Variants in ZNF423 observed in about 807,000 individuals in gnomAD.
ZNF423 encodes the protein zinc finger protein 423.
Under a neutral mutation model 95.8 loss-of-function variants are expected in ZNF423, and 12 were observed. The observed-to-expected ratio is 0.13, with a 90% CI of 0.08 to 0.20. The LOEUF (loss-of-function observed/expected upper bound fraction) is 0.20. ZNF423 is among the 10% of genes least tolerant of loss of function. ZNF423 has a pLI of 1.00. For missense variants in ZNF423, 1,316 were observed against 1,737.1 expected, an observed-to-expected ratio of 0.76 and a Z score of 4.31; for synonymous variants, 749 against 711.9, an observed-to-expected ratio of 1.05 and a Z score of -0.83.
At chr16:49,813,720 T>A (rs1447122401) in intron 1 of ZNF423, among the ~76,000 whole-genome samples, 1 of 152,212 alleles carries the variant, frequency 6.6e-6, no homozygotes, top group Non-Finnish European at 1.5e-5. Context: ...TCTTTTGGCT[T>A]AAGTTGTCCA....
intron 1 of ZNF423, among the ~76,000 whole-genome samples, chr16:49,803,430 C>A (rs763460713): frequency 1.9e-4 from 29 of 152,104 alleles, no homozygotes; most frequent in Non-Finnish European, 3.7e-4. Context: ...TGGTCACAAG[C>A]CTGTTCGATA....
chr16:49,614,624 T>C (rs1359375062), intron 5 of ZNF423, among the ~76,000 whole-genome samples: 1 of 152,222 alleles, frequency 6.6e-6, no homozygotes, highest in Non-Finnish European at 1.5e-5. Context: ...TGGAAATGTT[T>C]TGTAGCTTGA....
chr16:49,842,309 G>GAGGGGAGGGGAGGGA (rs1555489897), intron 1 of ZNF423, among the ~76,000 whole-genome samples: 7 of 20,406 alleles, frequency 3.4e-4, no homozygotes, highest in East Asian at 1.4e-3. Flanking sequence ...GAGGGGAGGC[G>GAGGGGAGGGGAGGGA]AGGGAAGGGA....
chr16:49,651,237 G>T (rs1468129748), intron 3 of ZNF423, among the ~76,000 whole-genome samples: 1 of 150,520 alleles, frequency 6.6e-6, no homozygotes, highest in Admixed American at 6.6e-5. Flanking sequence ...TGTTGCACAG[G>T]CTGGTCTCAA....
intron 1 of ZNF423, among the ~76,000 whole-genome samples, chr16:49,798,709 T>C (rs747898049): frequency 2.0e-5 from 3 of 152,212 alleles, no homozygotes; most frequent in African/African-American, 4.8e-5. Context: ...ACGTCGGCGC[T>C]TGTATAACAG....
At chr16:49,666,126 C>G (rs1337378773) in intron 3 of ZNF423, among the ~76,000 whole-genome samples, 1 of 152,192 alleles carries the variant, frequency 6.6e-6, no homozygotes, top group Non-Finnish European at 1.5e-5. Context: ...TGCGGCCCCC[C>G]AGATCCTGGC....
intron 7 of ZNF423, among the ~76,000 whole-genome samples, chr16:49,498,260 G>A (rs530865071): frequency 2.4e-4 from 36 of 152,332 alleles, no homozygotes; most frequent in Admixed American, 7.2e-4. Flanking sequence ...AAACTGAGGC[G>A]CAGAGAGGCC....
upstream of ZNF423, among the ~76,000 whole-genome samples, chr16:49,858,723 C>CT (rs913320926): frequency 7.3e-6 from 1 of 137,136 alleles, no homozygotes; most frequent in African/African-American, 2.7e-5. The surrounding 1 kb of genome is among the most constrained non-coding windows in gnomAD (Gnocchi z 4.3). Flanking sequence ...AGGAGCCCCC[C>CT]CCCCCACGCC....
At chr16:49,621,293 C>G (rs534785686) in intron 5 of ZNF423, among the ~76,000 whole-genome samples, 1 of 152,264 alleles carries the variant, frequency 6.6e-6, no homozygotes, top group African/African-American at 2.4e-5. Context: ...CCTCATTCTC[C>G]ATGCGGAGGG....
rs908614631 is a variant in ZNF423 at position 49,764,896 on chromosome 16, C to T, written c.100+24591G>A. ...CCCAGTAGCTGGGATTACAGGTGTG[C>T]GCCACCACGCCCAGCTAATTTTTTT... On this transcript the variant is annotated intron_variant, in intron 2 of 7. Transcript: ENST00000563137. 5.9e-5 allele frequency among the ~76,000 whole-genome samples: 9 copies of T among 151,410 alleles called. No homozygotes were observed. In the South Asian group the frequency reaches 6.3e-4, roughly 11 times the overall value.
chr16:49,718,430 C>T (rs779888160), intron 3 of ZNF423, among the ~76,000 whole-genome samples: 5 of 152,200 alleles, frequency 3.3e-5, no homozygotes, highest in East Asian at 1.9e-4. Context: ...TGTGAATGAA[C>T]GCACACGTGC....
At chr16:49,507,081 C>T (rs1240010244) in intron 7 of ZNF423, among the ~76,000 whole-genome samples, 1 of 152,140 alleles carries the variant, frequency 6.6e-6, no homozygotes, top group Non-Finnish European at 1.5e-5. Flanking sequence ...GTCTTTCTGA[C>T]CCTAGCCAAG....
chr16:49,712,865 A>G (rs2032588598), intron 3 of ZNF423, among the ~76,000 whole-genome samples: 1 of 152,224 alleles, frequency 6.6e-6, no homozygotes, highest in Admixed American at 6.5e-5. Flanking sequence ...CTCCACTGCC[A>G]TTGTCCCTAT....
At chr16:49,519,588 A>G (rs1374676561) in intron 7 of ZNF423, among the ~76,000 whole-genome samples, 1 of 152,204 alleles carries the variant, frequency 6.6e-6, no homozygotes, top group African/African-American at 2.4e-5. Context: ...GTCCCGTCTC[A>G]TTATGGAGTT....
chr16:49,620,623 A>G (rs1323561015), intron 5 of ZNF423, among the ~76,000 whole-genome samples: 1 of 152,112 alleles, frequency 6.6e-6, no homozygotes. Context: ...TTCCCTGAGG[A>G]CCATCCCTTC....
chr16:49,551,309 G>A (rs989588750), intron 5 of ZNF423, among the ~76,000 whole-genome samples: 2 of 152,192 alleles, frequency 1.3e-5, no homozygotes, highest in African/African-American at 4.8e-5. Context: ...AGTTTCAAAA[G>A]CCTCCATTGG....
chr16:49,825,192 C>A (rs1044406019), intron 1 of ZNF423, among the ~76,000 whole-genome samples: 11 of 152,226 alleles, frequency 7.2e-5, no homozygotes, highest in Middle Eastern at 3.4e-3. Flanking sequence ...AATGCTGCTC[C>A]GACATCCTGT....
chr16:49,779,615 A>C (rs574355471), intron 2 of ZNF423, among the ~76,000 whole-genome samples: 1 of 152,270 alleles, frequency 6.6e-6, no homozygotes, highest in Admixed American at 6.5e-5. Flanking sequence ...CCCCAAATGC[A>C]TGAGGAGTTA....
rs377042071 is a variant in ZNF423 at position 49,757,309 on chromosome 16, G to A, written c.101-26338C>T. 2.9e-3 allele frequency among the ~76,000 whole-genome samples: 437 copies of A among 152,186 alleles called. 21 individuals are homozygous for A. The South Asian group carries it at 0.084, about 29-fold the overall frequency. ...GACTCAGCTTAAAACTGGCTACACC[G>A]ACATCTCCTACAGTCTGAACTTCTA... On this transcript the variant is annotated intron_variant, in intron 2 of 7. Transcript: ENST00000563137.
Sources: allele counts gnomAD v4.1 joint callset (sites outside exome capture counted in the v4.1 genomes callset), GRCh38; gene constraint gnomAD v4.1.1; non-coding constraint Gnocchi (gnomAD v3.1); transcripts MANE v1.5; gene names NCBI Gene and HGNC (gene_info 2026-07-23, HGNC 2026-07-21).